Variants in HCRTR2 observed in about 807,000 individuals in gnomAD.
HCRTR2 encodes hypocretin receptor 2, also known as orexin receptor type 2.
A neutral mutation model predicts 49.0 loss-of-function variants in HCRTR2; 22 were observed. The ratio of observed to expected loss-of-function variants is 0.45; its 90% CI spans 0.32 to 0.64. The LOEUF (loss-of-function observed/expected upper bound fraction) is 0.64. Ranked by LOEUF, HCRTR2 falls within the 30% of genes least tolerant of loss-of-function variation. The pLI is 0.04. For synonymous variants in HCRTR2, 236 were observed against 205.3 expected (o/e 1.15, Z -1.28); for missense variants, 491 against 559.4 (o/e 0.88, Z 1.23).
intron 1 of HCRTR2, among the ~76,000 whole-genome samples, chr6:55,240,523 G>T (rs901690556): frequency 5.9e-5 from 9 of 152,114 alleles, no homozygotes; most frequent in African/African-American, 2.2e-4. Context: ...CTGAGACGGA[G>T]ATTTAGGGAC....
chr6:55,220,699 C>A (rs1765873951), intron 1 of HCRTR2, among the ~76,000 whole-genome samples: 1 of 152,112 alleles, frequency 6.6e-6, no homozygotes, highest in Non-Finnish European at 1.5e-5. Flanking sequence ...TACTAGAAGT[C>A]TTTGCTAGAA....
intron 1 of HCRTR2, among the ~76,000 whole-genome samples, chr6:55,210,017 G>C (rs918866512): frequency 3.9e-5 from 6 of 152,128 alleles, no homozygotes; most frequent in African/African-American, 1.4e-4. Context: ...CTAATAAAGG[G>C]AGTAGAAAAC....
intron 2 of HCRTR2, 105 bp from the exon 3 acceptor site, chr6:55,255,031 A>C (rs1030894682): frequency 7.0e-6 from 9 of 1,291,028 alleles, no homozygotes; most frequent in Non-Finnish European, 9.8e-6. Context: ...GCAGCTTTGA[A>C]TTTGCTTATA....
chr6:55,113,096 A>T (rs998708858), intron 1 of HCRTR2, among the ~76,000 whole-genome samples: 1 of 152,106 alleles, frequency 6.6e-6, no homozygotes, highest in African/African-American at 2.4e-5. Context: ...ATCATACTGG[A>T]TCCTCATTTC....
chr6:55,157,202 A>G (rs532136972), intron 1 of HCRTR2, among the ~76,000 whole-genome samples: 1 of 152,324 alleles, frequency 6.6e-6, no homozygotes, highest in East Asian at 1.9e-4. Flanking sequence ...TCAATTCTCA[A>G]AAAACACTTG....
chr6:55,203,408 G>T (rs1765545373), intron 1 of HCRTR2, among the ~76,000 whole-genome samples: 1 of 152,064 alleles, frequency 6.6e-6, no homozygotes, highest in African/African-American at 2.4e-5. Context: ...GCCTACCTGT[G>T]CCCAACTATG....
At chr6:55,260,223 T>C (rs953757799) in intron 3 of HCRTR2, among the ~76,000 whole-genome samples, 2 of 152,210 alleles carry the variant, frequency 1.3e-5, no homozygotes, top group South Asian at 2.1e-4. Context: ...ATTGGTCTTA[T>C]GCAGACAACA....
intron 4 of HCRTR2, 113 bp downstream of exon 4, chr6:55,263,935 A>C (rs765399213): frequency 5.0e-5 from 36 of 713,878 alleles, no homozygotes; most frequent in Non-Finnish European, 6.1e-5. Context: ...CTTATAAACA[A>C]AATTTAAGAA....
rs73443275 is a variant in HCRTR2, at chr6:55,268,225, G to T, written c.762+4403G>T. Among the ~76,000 whole-genome samples, 708 of 151,994 alleles carry T rather than the reference G, an allele frequency of 4.7e-3. 4 individuals are homozygous for T. Among genetic ancestry groups the T allele is most frequent in the African/African-American group, 0.016 (653 of 41,474 alleles). On this transcript the variant is annotated intron_variant, in intron 4 of 6. Transcript: ENST00000370862. Reference sequence around the variant, plus strand: ...TAGAAATATAGGTAAAGTAACAAAAGAATTAAAATAGTATACAGAAAATAT... The same window carrying T: ...TAGAAATATAGGTAAAGTAACAAAATAATTAAAATAGTATACAGAAAATAT...
At chr6:55,166,903 G>A (rs559471121) in intron 1 of HCRTR2, among the ~76,000 whole-genome samples, 5 of 152,112 alleles carry the variant, frequency 3.3e-5, no homozygotes, top group Middle Eastern at 3.4e-3. Flanking sequence ...CTAAAACATG[G>A]AAGAACCTTG....
chr6:55,248,317 C>T (rs1766483907), intron 1 of HCRTR2, among the ~76,000 whole-genome samples: 1 of 152,076 alleles, frequency 6.6e-6, no homozygotes, highest in Non-Finnish European at 1.5e-5. Context: ...TCTTGAGACT[C>T]TACTACATAT....
intron 4 of HCRTR2, among the ~76,000 whole-genome samples, chr6:55,266,278 C>T (rs745430462): frequency 2.6e-5 from 4 of 152,112 alleles, no homozygotes; most frequent in Non-Finnish European, 5.9e-5. Context: ...TTGTCTGGTT[C>T]TTCTACTCTA....
chr6:55,149,946 T>G (rs1764641500), intron 1 of HCRTR2, among the ~76,000 whole-genome samples: 1 of 151,994 alleles, frequency 6.6e-6, no homozygotes, highest in Non-Finnish European at 1.5e-5. Context: ...TAATCAATGT[T>G]TTTTGTTAAA....
chr6:55,169,036 C>G (rs908004433), intron 1 of HCRTR2, among the ~76,000 whole-genome samples: 1 of 151,634 alleles, frequency 6.6e-6, no homozygotes, highest in African/African-American at 2.4e-5. Context: ...GTTTCATTGA[C>G]GCCACTTTGG....
chr6:55,200,466 A>G (rs1280909444), intron 1 of HCRTR2, among the ~76,000 whole-genome samples: 2 of 152,058 alleles, frequency 1.3e-5, no homozygotes, highest in African/African-American at 4.8e-5. Context: ...GGGTTTCACT[A>G]TGTTGGCCAG....
intron 1 of HCRTR2, among the ~76,000 whole-genome samples, chr6:55,245,151 C>T (rs1766407541): frequency 6.6e-6 from 1 of 151,622 alleles, no homozygotes; most frequent in Non-Finnish European, 1.5e-5. Flanking sequence ...ACTATTTGGG[C>T]ATAGCCACAG....
intron 1 of HCRTR2, among the ~76,000 whole-genome samples, chr6:55,197,550 A>G (rs1765439428): frequency 2.0e-5 from 3 of 152,172 alleles, no homozygotes; most frequent in Non-Finnish European, 2.9e-5. Flanking sequence ...AACTAACCTC[A>G]GACCTAACTC....
rs142483434 is a variant in HCRTR2 at position 55,108,940 on chromosome 6, C to A, written c.-378+2395C>A. ...CCTGGGGCAAGTTCCCAGCTCCACT[C>A]ACTGGCTGCCTGCATATAAACTCGG... is the stretch of plus-strand genomic sequence containing the variant. On this transcript the variant is annotated intron_variant, in intron 1 of 7. Transcript: ENST00000615358. Among the ~76,000 whole-genome samples, 264 of 152,228 alleles carry A rather than the reference C, an allele frequency of 1.7e-3. 1 individual carries two copies. The highest frequency in any genetic ancestry group is 5.7e-3 in the African/African-American group (238 of 41,564).
chr6:55,112,725 C>T (rs941004091), intron 1 of HCRTR2, among the ~76,000 whole-genome samples: 1 of 151,888 alleles, frequency 6.6e-6, no homozygotes, highest in African/African-American at 2.4e-5. Context: ...CAAAAGCGAT[C>T]TACAAGTTCA....
Sources: gnomAD v4.1 joint callset for allele counts (sites outside exome capture counted in the v4.1 genomes callset) on GRCh38, gnomAD v4.1.1 for gene constraint, MANE v1.5 for transcripts, NCBI Gene and HGNC (gene_info 2026-07-23, HGNC 2026-07-21) for gene names.